The following ACSM2A variants were observed in gnomAD, a reference collection of about 807,000 sequenced individuals.
ACSM2A encodes acyl-CoA synthetase medium chain family member 2A.
In ACSM2A, 72 loss-of-function variants were observed where a neutral mutation model predicts 76.6. The observed-to-expected ratio is 0.94, with a 90% confidence interval of 0.78 to 1.14. ACSM2A has a LOEUF of 1.14. Ranked by LOEUF, ACSM2A falls within the 50% of genes most tolerant of loss-of-function variation. The probability of loss-of-function intolerance (pLI) is 0.00; values close to 1 mark genes in which losing one functional copy is unlikely to be tolerated. For missense variants in ACSM2A, 684 were observed against 708.5 expected, an observed-to-expected ratio of 0.97 and a Z score of 0.39; for synonymous variants, 249 against 255.9, an observed-to-expected ratio of 0.97 and a Z score of 0.26.
At chr16:20,460,081 A>C (rs927746829) in intron 1 of ACSM2A, 26 bp from the exon 2 acceptor site, 2 of 1,585,754 alleles carry the variant, frequency 1.3e-6, no homozygotes, top group Non-Finnish European at 1.7e-6. Flanking sequence ...AGAAGCTCTC[A>C]CCTGTGTCTC....
intron 2 of ACSM2A, among the ~76,000 whole-genome samples, chr16:20,464,240 T>A (rs1304559236): frequency 1.3e-5 from 2 of 152,224 alleles, no homozygotes; most frequent in Non-Finnish European, 2.9e-5. Flanking sequence ...TTTCTTCCCA[T>A]GACCTAGTTC....
At position 20,460,108 on chromosome 16, in the gene ACSM2A, C is replaced by T. The variant is rs1186619244; in HGVS notation, c.-7C>T. The stretch of plus-strand genomic sequence containing the variant: ...CTGTGTCTCTTCTTTCTTTTACAGG[C>T]CTGAATATGCATTGGCTGCGAAAAG... On this transcript the variant is annotated splice_region_variant and 5_prime_UTR_variant, in exon 2 of 14. Transcript: ENST00000573854. 1.9e-6 allele frequency: 3 copies of T among 1,608,856 alleles called. No individual in the cohort carries two copies. The highest frequency in any genetic ancestry group is 2.2e-5 in the East Asian group (1 of 44,800).
intron 12 of ACSM2A, chr16:20,482,296 G>C (rs541688789): frequency 2.0e-5 from 3 of 152,070 alleles, no homozygotes; most frequent in Non-Finnish European, 4.4e-5. Flanking sequence ...TCTGATTCCC[G>C]ACCAGAAGAA....
intron 2 of ACSM2A, among the ~76,000 whole-genome samples, chr16:20,461,876 C>G (rs1888273253): frequency 6.6e-6 from 1 of 152,118 alleles, no homozygotes; most frequent in Non-Finnish European, 1.5e-5. Context: ...AATCTGCCCC[C>G]TTGAAAGCTC....
chr16:20,467,968 T>C (rs1596654407), intron 3 of ACSM2A, among the ~76,000 whole-genome samples: 1 of 151,852 alleles, frequency 6.6e-6, no homozygotes, highest in African/African-American at 2.4e-5. Context: ...ACCCACCTCA[T>C]ATTCTGGGGA....
rs2011851325 is a variant in ACSM2A at position 20,452,708 on chromosome 16, G to A, written c.-9+1027G>A. On this transcript the variant is annotated intron_variant, in intron 1 of 13. Transcript: ENST00000573854. ...TCTAGAGGAAAAGAATATTAAGGATGGAGTTCTTTTGTTGGTTTTGGGGTT... is the reference window on the plus strand; with the variant it reads ...TCTAGAGGAAAAGAATATTAAGGATAGAGTTCTTTTGTTGGTTTTGGGGTT... 4.0e-5 allele frequency among the ~76,000 whole-genome samples: 6 copies of A among 149,234 alleles called. No individual in the cohort carries two copies. The South Asian group carries it at 1.3e-3, about 33-fold the overall frequency.
chr16:20,472,431 C>T (rs944222120), intron 6 of ACSM2A, among the ~76,000 whole-genome samples: 1 of 152,182 alleles, frequency 6.6e-6, no homozygotes, highest in Non-Finnish European at 1.5e-5. Context: ...CTCATGCTAT[C>T]ACTGGGGCAC....
At chr16:20,458,559 T>G (rs912783874) in intron 1 of ACSM2A, among the ~76,000 whole-genome samples, 5 of 144,794 alleles carry the variant, frequency 3.5e-5, no homozygotes, top group East Asian at 2.0e-4. Context: ...ACCCATATAT[T>G]ATATATAATA....
rs375141249 is a variant in ACSM2A at position 20,470,334 on chromosome 16, T to C, written c.596+615T>C. 9.8e-4 allele frequency among the ~76,000 whole-genome samples: 149 copies of C among 152,294 alleles called. 2 individuals carry two copies. The South Asian group carries it at 0.029, about 30-fold the overall frequency. Reference sequence around the variant, plus strand: ...CACCTCTTGTATCTCTAAGAGAGGCTGATCAAGGGCAGAGGACTTTCCATG... The same window carrying C: ...CACCTCTTGTATCTCTAAGAGAGGCCGATCAAGGGCAGAGGACTTTCCATG... On this transcript the variant is annotated intron_variant, in intron 4 of 13. Coordinates refer to ENST00000573854, the MANE Select transcript of ACSM2A (RefSeq NM_001308172.2).
intron 12 of ACSM2A, chr16:20,481,671 AC>A (rs904572277): frequency 2.7e-5 from 4 of 146,578 alleles, no homozygotes; most frequent in African/African-American, 1.0e-4. Context: ...GAGTAGGGTG[AC>A]TATAGTTAAC....
chr16:20,467,325 T>C (rs1206667647), intron 3 of ACSM2A, among the ~76,000 whole-genome samples: 4 of 151,208 alleles, frequency 2.6e-5, no homozygotes, highest in Admixed American at 2.6e-4. Flanking sequence ...TGGGAAATGA[T>C]TGATGGATTG....
intron 5 of ACSM2A, 147 bp downstream of exon 5, chr16:20,471,363 A>T: frequency 6.7e-7 from 1 of 1,496,382 alleles, no homozygotes; most frequent in South Asian, 1.3e-5. Context: ...TGTGGATAGA[A>T]CAACTTTTCT....
chr16:20,460,083 C>A (rs778837499), intron 1 of ACSM2A, 24 bp from the exon 2 acceptor site: 1 of 1,588,558 alleles, frequency 6.3e-7, no homozygotes, highest in Non-Finnish European at 8.6e-7. Flanking sequence ...AAGCTCTCAC[C>A]TGTGTCTCTT....
rs2152124566 is a variant in ACSM2A, at chr16:20,487,119, A to G, written c.*441A>G. 1 of 152,540 alleles carries G rather than the reference A, an allele frequency of 6.6e-6. No individual in the cohort carries two copies. Among genetic ancestry groups the G allele is most frequent in the South Asian group, 2.1e-4 (1 of 4,830 alleles). 9.4% of individuals were successfully genotyped at this position (152,540 alleles called of 1,614,324 possible). ...AAAGAGAGAAAGAGAAAGAAGAAAG[A>G]GCAAAAGAACACAAGAAAGAAAGAG... On this transcript the variant is annotated 3_prime_UTR_variant, in exon 14 of 14. Transcript: ENST00000573854.
rs952303126 is a variant in ACSM2A at position 20,480,802 on chromosome 16, A to G, written c.1410-20A>G. ...GAGGTTCGGTGTCCAGTGTTCTCTG[A>G]AGGACAGGTTCTTCTGCAGGTACCG... On this transcript the variant is annotated intron_variant, in intron 11 of 13. Transcript: ENST00000573854. 2.5e-6 allele frequency: 4 copies of G among 1,613,722 alleles called. No individual in the cohort carries two copies. Among genetic ancestry groups the G allele is most frequent in the Non-Finnish European group, 3.4e-6 (4 of 1,179,832 alleles).
intron 6 of ACSM2A, among the ~76,000 whole-genome samples, chr16:20,473,015 A>G (rs904277932): frequency 6.6e-6 from 1 of 152,218 alleles, no homozygotes; most frequent in Non-Finnish European, 1.5e-5. Flanking sequence ...GCTATGCATT[A>G]TCCTGTAGCA....
intron 11 of ACSM2A, 44 bp downstream of exon 11, chr16:20,480,744 C>T (rs1448914882): frequency 6.2e-7 from 1 of 1,610,976 alleles, no homozygotes; most frequent in South Asian, 1.1e-5. Flanking sequence ...TGGGTCTTTA[C>T]TCTGGCTGGT....
chr16:20,461,505 A>G (rs947959751), intron 2 of ACSM2A, among the ~76,000 whole-genome samples: 4 of 152,172 alleles, frequency 2.6e-5, no homozygotes, highest in Admixed American at 1.3e-4. Context: ...CACAAATAAC[A>G]CCATTAGCAA....
intron 1 of ACSM2A, among the ~76,000 whole-genome samples, chr16:20,454,995 G>A (rs1437329125): frequency 1.3e-5 from 2 of 150,148 alleles, no homozygotes; most frequent in African/African-American, 2.5e-5. Flanking sequence ...AGAACACAGA[G>A]AAAAACACAC....
Sources: gnomAD v4.1 joint callset for allele counts (sites outside exome capture counted in the v4.1 genomes callset) on GRCh38, gnomAD v4.1.1 for gene constraint, MANE v1.5 for transcripts, NCBI Gene and HGNC (gene_info 2026-07-23, HGNC 2026-07-21) for gene names.